TRIM5: variants seen among roughly 807,000 people sequenced by gnomAD.
The protein encoded by TRIM5 is tripartite motif-containing protein 5.
In TRIM5, 31 loss-of-function variants were observed where a neutral mutation model predicts 35.6. The observed-to-expected ratio is 0.87, with a 90% CI of 0.65 to 1.18. The LOEUF (loss-of-function observed/expected upper bound fraction) is 1.18, where lower values mean the gene tolerates loss of function less well. Ranked by LOEUF, TRIM5 falls within the 50% of genes most tolerant of loss-of-function variation. The pLI is 0.00. For missense variants in TRIM5, 609 were observed against 591.6 expected, an observed-to-expected ratio of 1.03 and a Z score of -0.31; for synonymous variants, 243 against 215.6, an observed-to-expected ratio of 1.13 and a Z score of -1.11.
the TRIM5 span, among the ~76,000 whole-genome samples, chr11:5,640,833 G>C: frequency 6.6e-6 from 1 of 151,992 alleles, no homozygotes; most frequent in Non-Finnish European, 1.5e-5. Flanking sequence ...ACATGTTTTA[G>C]GCCTATTCAT....
At chr11:5,630,004 C>A in the TRIM5 span, among the ~76,000 whole-genome samples, 1 of 152,162 alleles carries the variant, frequency 6.6e-6, no homozygotes, top group South Asian at 2.1e-4. Flanking sequence ...CCGCGCCCGG[C>A]CTCAGTGAGG....
the TRIM5 span, among the ~76,000 whole-genome samples, chr11:5,638,331 G>C: frequency 6.6e-6 from 1 of 152,232 alleles, no homozygotes; most frequent in Non-Finnish European, 1.5e-5. Flanking sequence ...CCAGAATTGT[G>C]ACAGAGGTTT....
At chr11:5,652,888 G>A in the TRIM5 span, among the ~76,000 whole-genome samples, 1 of 143,554 alleles carries the variant, frequency 7.0e-6, no homozygotes, top group Non-Finnish European at 1.5e-5. Flanking sequence ...GTCTCGCTCT[G>A]TTGCCTAGGC....
the TRIM5 span, chr11:5,612,161 A>C: frequency 6.6e-6 from 1 of 152,174 alleles, no homozygotes; most frequent in African/African-American, 2.4e-5. Context: ...TTTTGTTCTC[A>C]TCTATGTTAA....
chr11:5,634,920 G>A, the TRIM5 span: 115 of 1,557,754 alleles, frequency 7.4e-5, no homozygotes, highest in Admixed American at 1.3e-4. Flanking sequence ...GTGTCCTTGC[G>A]TTCTCATCCT....
downstream of TRIM5, among the ~76,000 whole-genome samples, chr11:5,661,041 C>CAAAAAAAAAAA (rs61394016): frequency 1.1e-4 from 4 of 37,142 alleles, no homozygotes; most frequent in African/African-American, 2.5e-4. Flanking sequence ...GACTCCGTCT[C>CAAAAAAAAAAA]AAAAAAAAAA....
chr11:5,596,878 C>G, the TRIM5 span: 1 of 1,614,004 alleles, frequency 6.2e-7, no homozygotes, highest in East Asian at 2.2e-5. Context: ...TCTGGAACTT[C>G]TTGGCTTCTC....
rs188385676 is a variant in TRIM5 at position 5,664,681 on chromosome 11, G to A, written c.*128C>T. 7.5e-6 allele frequency: 11 copies of A among 1,457,920 alleles called. No individual in the cohort carries two copies. The Admixed American group carries it at 8.7e-5, about 11-fold the overall frequency. The allele number at this position is 1,457,920 out of a possible 1,614,324, so 90.3% of individuals were successfully genotyped here. A position where few individuals can be genotyped will look rare whatever the true frequency, so the allele number is the denominator to read the frequency against. Reference sequence around the variant, plus strand: ...TTATTACATTTTACTGATGAGTGAAGGACGTTCAAATAGAAAGAAGGGAGA... The same window carrying A: ...TTATTACATTTTACTGATGAGTGAAAGACGTTCAAATAGAAAGAAGGGAGA... On this transcript the variant is annotated 3_prime_UTR_variant, in exon 8 of 8. Coordinates refer to ENST00000380034, the MANE Select transcript of TRIM5 (RefSeq NM_033034.3).
intron 4 of TRIM5, among the ~76,000 whole-genome samples, chr11:5,668,480 G>GT (rs1851316593): frequency 6.6e-6 from 1 of 151,972 alleles, no homozygotes; most frequent in African/African-American, 2.4e-5. Flanking sequence ...TTAAGAAGGA[G>GT]TCTCACTTTG....
the TRIM5 span, among the ~76,000 whole-genome samples, chr11:5,607,497 G>A: frequency 1.3e-5 from 2 of 152,142 alleles, no homozygotes; most frequent in Non-Finnish European, 2.9e-5. Context: ...CCAAACTTAA[G>A]CTTTTCTTCG....
chr11:5,669,224 C>T (rs1211490758), intron 4 of TRIM5, among the ~76,000 whole-genome samples: 6 of 151,974 alleles, frequency 3.9e-5, no homozygotes, highest in African/African-American at 1.2e-4. Flanking sequence ...GGATTACAGG[C>T]GTGCGCCACC....
At chr11:5,666,744 G>A (rs2134028740) in intron 5 of TRIM5, among the ~76,000 whole-genome samples, 1 of 152,346 alleles carries the variant, frequency 6.6e-6, no homozygotes, top group South Asian at 2.1e-4. Context: ...CCACGTAGGT[G>A]TGCGAGGTGT....
the TRIM5 span, among the ~76,000 whole-genome samples, chr11:5,620,627 TTCTC>T: frequency 3.9e-5 from 6 of 151,902 alleles, no homozygotes; most frequent in East Asian, 1.2e-3. Context: ...GGAAATCACT[TTCTC>T]TGTCTGCCCA....
intron 4 of TRIM5, among the ~76,000 whole-genome samples, chr11:5,672,762 A>G (rs1165600624): frequency 6.6e-6 from 1 of 152,228 alleles, no homozygotes; most frequent in South Asian, 2.1e-4. Flanking sequence ...CATGTGAGAT[A>G]TATGACAAAA....
At chr11:5,605,264 C>T in the TRIM5 span, 6 of 1,604,930 alleles carry the variant, frequency 3.7e-6, no homozygotes, top group Admixed American at 5.0e-5. Context: ...CTGAGCCCAA[C>T]TTCCCCGCTT....
intron 4 of TRIM5, among the ~76,000 whole-genome samples, chr11:5,671,922 A>G (rs1379585259): frequency 6.6e-6 from 1 of 152,168 alleles, no homozygotes; most frequent in African/African-American, 2.4e-5. Context: ...CCCACATATC[A>G]TAGAAAAACT....
At chr11:5,641,183 T>A in the TRIM5 span, 11 of 1,613,852 alleles carry the variant, frequency 6.8e-6, no homozygotes, top group Non-Finnish European at 8.5e-7. Flanking sequence ...AGTGGAATCA[T>A]GAAATGGTGC....
the TRIM5 span, among the ~76,000 whole-genome samples, chr11:5,636,112 A>C: frequency 6.6e-6 from 1 of 152,228 alleles, no homozygotes; most frequent in Non-Finnish European, 1.5e-5. Context: ...TTGTTCATAA[A>C]TAAAACAACT....
At chr11:5,627,494 G>GA in the TRIM5 span, among the ~76,000 whole-genome samples, 18 of 151,898 alleles carry the variant, frequency 1.2e-4, no homozygotes, top group East Asian at 1.7e-3. Flanking sequence ...AAACTAATTT[G>GA]AAAAAAAACT....
Sources: allele counts gnomAD v4.1 joint callset (sites outside exome capture counted in the v4.1 genomes callset), GRCh38; gene constraint gnomAD v4.1.1; transcripts MANE v1.5; gene names NCBI Gene and HGNC (gene_info 2026-07-23, HGNC 2026-07-21).